C17orf75: variants seen among roughly 807,000 people sequenced by gnomAD.
C17orf75 encodes protein Njmu-R1.
In C17orf75, 32 loss-of-function variants were observed where a neutral mutation model predicts 49.6. The observed-to-expected ratio is 0.65, with a 90% CI of 0.49 to 0.87. The LOEUF is 0.87. Among genes scored for constraint, C17orf75 ranks in the 40% least tolerant of loss-of-function variants. The pLI, the probability that C17orf75 is intolerant of heterozygous loss-of-function variation, is 0.00. For missense variants in C17orf75, 428 were observed against 473.9 expected, an observed-to-expected ratio of 0.90 and a Z score of 0.90; for synonymous variants, 158 against 159.5, an observed-to-expected ratio of 0.99 and a Z score of 0.07.
chr17:32,328,453 T>TA lies in C17orf75; in HGVS notation c.*3309dup, dbSNP rs2041249432. ...AAAAACAACTGTCTTGATGAGAAGC[T>TA]AAGTTTTATTATTATAATTACAAAT... On this transcript the variant is annotated 3_prime_UTR_variant, in exon 10 of 10. Transcript: ENST00000577809. 6.6e-6 allele frequency: 1 copy of TA among 152,234 alleles called. No homozygotes were observed. The highest frequency in any genetic ancestry group is 6.5e-5 in the Admixed American group (1 of 15,288). 9.4% of individuals were successfully genotyped at this position (152,234 alleles called of 1,614,324 possible). A position where few individuals can be genotyped will look rare whatever the true frequency, so the allele number is the denominator to read the frequency against.
chr17:32,349,356 CG>C (rs984255358), intron 1 of C17orf75, among the ~76,000 whole-genome samples: 1 of 151,624 alleles, frequency 6.6e-6, no homozygotes, highest in Non-Finnish European at 1.5e-5. Flanking sequence ...CCGAGGCGGG[CG>C]GATCACTTGA....
In C17orf75 at chr17:32,334,756, T is replaced by C. The variant is rs541937909; in HGVS notation, c.734+19A>G. On this transcript the variant is annotated intron_variant, in intron 7 of 9. Transcript: ENST00000577809. The stretch of plus-strand genomic sequence containing the variant: ...CTTGCTGTGGAAAAGCTTTTCTCTT[T>C]GAAAAAACTGTTCTTTACCTGTTAA... 4 of 1,583,868 alleles carry C rather than the reference T, an allele frequency of 2.5e-6. No homozygotes were observed. The highest frequency in any genetic ancestry group is 3.7e-5 in the Admixed American group (2 of 54,480).
Position 32,331,990 on chromosome 17 carries a change from T to C in C17orf75, c.976-12A>G. The C allele has an allele frequency of 6.3e-7, 1 of 1,589,384 alleles. No individual in the cohort carries two copies. Among genetic ancestry groups the C allele is most frequent in the Non-Finnish European group, 8.6e-7 (1 of 1,162,790 alleles). ...GTGTCTTGTATGGCCTAGAAAATGA[T>C]TACCCAGTTAAAAATGTGTTAAGTG... On this transcript the variant is annotated splice_polypyrimidine_tract_variant and intron_variant, in intron 9 of 9. Transcript: ENST00000577809.
upstream of C17orf75, chr17:32,343,969 G>C (rs138596221): frequency 7.3e-6 from 5 of 684,012 alleles, no homozygotes; most frequent in Non-Finnish European, 1.3e-5. Flanking sequence ...ACACTTCATC[G>C]GGGTTCATAT....
chr17:32,336,275 G>A (rs2041324998), intron 5 of C17orf75, among the ~76,000 whole-genome samples: 1 of 152,200 alleles, frequency 6.6e-6, no homozygotes, highest in African/African-American at 2.4e-5. Flanking sequence ...GTGCAGTGGT[G>A]CAATCATAGC....
intron 1 of C17orf75, among the ~76,000 whole-genome samples, chr17:32,348,207 A>C (rs2041441713): frequency 6.6e-6 from 1 of 150,800 alleles, no homozygotes; most frequent in Non-Finnish European, 1.5e-5. Flanking sequence ...ATTTTTAGTA[A>C]AGACCGGGTT....
upstream of C17orf75, among the ~76,000 whole-genome samples, chr17:32,342,711 G>T (rs1041299293): frequency 6.6e-6 from 1 of 152,208 alleles, no homozygotes; most frequent in African/African-American, 2.4e-5. Context: ...CGACGCAGGC[G>T]GATCACTTGA....
chr17:32,337,819 A>G, intron 5 of C17orf75, 78 bp downstream of exon 5: 1 of 1,306,242 alleles, frequency 7.7e-7, no homozygotes, highest in Non-Finnish European at 1.1e-6. Context: ...GGCCTCCCAA[A>G]GTGCTGGGAT....
upstream of C17orf75, among the ~76,000 whole-genome samples, chr17:32,342,963 A>G (rs911417779): frequency 6.6e-6 from 1 of 152,222 alleles, no homozygotes; most frequent in Non-Finnish European, 1.5e-5. Flanking sequence ...GATACCAAAG[A>G]CTGGGCAATT....
At chr17:32,338,498 G>A (rs540941223) in intron 3 of C17orf75, 147 bp from the exon 4 acceptor site, 5 of 767,370 alleles carry the variant, frequency 6.5e-6, no homozygotes, top group South Asian at 4.2e-5. Context: ...TCTCGTTGGT[G>A]TACTTGCAGC....
chr17:32,343,965 C>A (rs937614167), upstream of C17orf75: 1 of 684,282 alleles, frequency 1.5e-6, no homozygotes. Flanking sequence ...AGAAACACTT[C>A]ATCGGGGTTC....
rs2041253672 is a variant in C17orf75 at position 32,328,918 on chromosome 17, A to G, written c.*2845T>C. Reference sequence around the variant, plus strand: ...AAATAAAACAAAAACAAAAAAAAAAACAACTTTAAAAGCCAAGATAGTAGC... The same window carrying G: ...AAATAAAACAAAAACAAAAAAAAAAGCAACTTTAAAAGCCAAGATAGTAGC... On this transcript the variant is annotated 3_prime_UTR_variant, in exon 10 of 10. Coordinates refer to ENST00000577809, the MANE Select transcript of C17orf75 (RefSeq NM_022344.4). 1 of 147,692 alleles carries G rather than the reference A, an allele frequency of 6.8e-6. No individual in the cohort carries two copies. The highest frequency in any genetic ancestry group is 2.5e-5 in the African/African-American group (1 of 39,618). 9.1% of individuals were successfully genotyped at this position (147,692 alleles called of 1,614,324 possible). A position where few individuals can be genotyped will look rare whatever the true frequency, so the allele number is the denominator to read the frequency against.
intron 1 of C17orf75, 80 bp downstream of exon 1, chr17:32,341,920 T>A: frequency 1.0e-6 from 1 of 967,542 alleles, no homozygotes; most frequent in Non-Finnish European, 1.2e-6. Context: ...GGGCCGGGGG[T>A]GGGGTGCAAG....
At chr17:32,337,018 G>T (rs754587885) in intron 5 of C17orf75, among the ~76,000 whole-genome samples, 3 of 152,130 alleles carry the variant, frequency 2.0e-5, no homozygotes, top group Non-Finnish European at 2.9e-5. Flanking sequence ...GGGCATGGTG[G>T]TGCATGCCTG....
chr17:32,342,350 C>T (rs1392977232), upstream of C17orf75: 1 of 677,064 alleles, frequency 1.5e-6, no homozygotes, highest in Non-Finnish European at 2.1e-6. Flanking sequence ...TACTGACAAG[C>T]TTTTACCATT....
chr17:32,333,651 T>C, intron 8 of C17orf75, 131 bp from the exon 9 acceptor site: 1 of 738,986 alleles, frequency 1.4e-6, no homozygotes, highest in Non-Finnish European at 2.2e-6. Flanking sequence ...ATATCGTTAG[T>C]AGAGATGGGG....
intron 1 of C17orf75, among the ~76,000 whole-genome samples, chr17:32,348,366 T>C (rs949655728): frequency 6.6e-6 from 1 of 152,088 alleles, no homozygotes; most frequent in African/African-American, 2.4e-5. Context: ...GCTCCACACA[T>C]ACTTTGTGTT....
chr17:32,336,912 G>T (rs528626837), intron 5 of C17orf75, among the ~76,000 whole-genome samples: 5 of 152,120 alleles, frequency 3.3e-5, no homozygotes, highest in African/African-American at 9.7e-5. Context: ...TTGGGAGGCC[G>T]AGGCAGGTGG....
intron 9 of C17orf75, among the ~76,000 whole-genome samples, chr17:32,333,150 T>A (rs2041292783): frequency 6.6e-6 from 1 of 152,184 alleles, no homozygotes; most frequent in African/African-American, 2.4e-5. Flanking sequence ...GAACCAGTTT[T>A]TTTGTGCTTT....
Sources: gnomAD v4.1 joint callset for allele counts (sites outside exome capture counted in the v4.1 genomes callset) on GRCh38, gnomAD v4.1.1 for gene constraint, MANE v1.5 for transcripts, NCBI Gene and HGNC (gene_info 2026-07-23, HGNC 2026-07-21) for gene names.